Variants in NIPSNAP2 observed in about 807,000 individuals in gnomAD.
NIPSNAP2 encodes the protein nipsnap homolog 2.
Under a neutral mutation model 48.4 loss-of-function variants are expected in NIPSNAP2, and 42 were observed. The observed-to-expected ratio is 0.87, with a 90% CI of 0.68 to 1.12. The LOEUF (loss-of-function observed/expected upper bound fraction) is 1.12, where lower values mean the gene tolerates loss of function less well. Among genes scored for constraint, NIPSNAP2 ranks in the 50% most tolerant of loss-of-function variants. The pLI is 0.00. For missense variants in NIPSNAP2, 314 were observed against 347.3 expected (o/e 0.90, Z 0.76); for synonymous variants, 158 against 126.6 (o/e 1.25, Z -1.67).
chr7:55,985,810 G>A (rs1315021886), intron 7 of NIPSNAP2, among the ~76,000 whole-genome samples: 1 of 151,638 alleles, frequency 6.6e-6, no homozygotes, highest in South Asian at 2.1e-4. Context: ...CACATTGGGA[G>A]GCTGAGGTGG....
chr7:55,964,866 C>T (rs1159050398), intron 1 of NIPSNAP2, 165 bp downstream of exon 1: 8 of 225,306 alleles, frequency 3.6e-5, no homozygotes, highest in South Asian at 3.6e-4. Context: ...GGAGCTGGGG[C>T]GGGGTCGGGG....
intron 1 of NIPSNAP2, among the ~76,000 whole-genome samples, chr7:55,976,127 C>G (rs73343714): frequency 0.12 from 17,776 of 152,132 alleles, 1,713 homozygotes; most frequent in African/African-American, 0.25. Context: ...AACCTTTACT[C>G]CCACCCCAGG....
intron 8 of NIPSNAP2, 39 bp downstream of exon 8, chr7:55,995,027 A>G: frequency 6.6e-7 from 1 of 1,521,482 alleles, no homozygotes; most frequent in Admixed American, 1.7e-5. Context: ...GGGATTTAAG[A>G]GTTCATTACT....
chr7:55,976,931 T>C (rs1787118408), intron 1 of NIPSNAP2, among the ~76,000 whole-genome samples: 1 of 152,064 alleles, frequency 6.6e-6, no homozygotes, highest in Admixed American at 6.6e-5. Flanking sequence ...TAAAGTATAG[T>C]TTGTGACTTG....
At chr7:55,985,333 G>T (rs763799639) in intron 7 of NIPSNAP2, among the ~76,000 whole-genome samples, 6 of 151,960 alleles carry the variant, frequency 3.9e-5, no homozygotes, top group East Asian at 1.9e-4. Flanking sequence ...GTCAATAATG[G>T]TTTCTTCTTT....
intron 3 of NIPSNAP2, chr7:55,979,981 GC>G: frequency 5.1e-6 from 2 of 394,934 alleles, no homozygotes; most frequent in Admixed American, 3.1e-5. Context: ...AAAAACCTGG[GC>G]CCCGTTGCCA....
chr7:55,979,810 G>A (rs1562764313), intron 3 of NIPSNAP2: 2 of 456,536 alleles, frequency 4.4e-6, no homozygotes, highest in South Asian at 1.5e-5. Context: ...TGGTTTTTAG[G>A]GGTCCCAATA....
chr7:55,995,837 C>T (rs1055068062), intron 8 of NIPSNAP2, among the ~76,000 whole-genome samples: 12 of 152,168 alleles, frequency 7.9e-5, no homozygotes, highest in Admixed American at 7.2e-4. Context: ...CCTCTTGTCT[C>T]TGCCCTGTCG....
At chr7:55,991,612 G>T (rs1008937544) in intron 7 of NIPSNAP2, among the ~76,000 whole-genome samples, 2 of 151,764 alleles carry the variant, frequency 1.3e-5, no homozygotes, top group African/African-American at 4.8e-5. Context: ...GCCAAGTGTG[G>T]TGGTGCATGC....
At chr7:55,979,961 T>C (rs1787179326) in intron 3 of NIPSNAP2, 1 of 416,406 alleles carries the variant, frequency 2.4e-6, no homozygotes, top group Non-Finnish European at 4.8e-6. Context: ...TGCGTGACTT[T>C]GTGTTGGTGA....
intron 1 of NIPSNAP2, 89 bp from the exon 2 acceptor site, chr7:55,978,037 C>A: frequency 6.8e-7 from 1 of 1,467,792 alleles, no homozygotes; most frequent in Non-Finnish European, 9.3e-7. Flanking sequence ...GGAACGGTGC[C>A]TAGAATAGCT....
rs1787580032 is a variant in NIPSNAP2, at chr7:55,997,233, C to G, written c.713-133C>G. On this transcript the variant is annotated intron_variant, in intron 8 of 9. Transcript: ENST00000322090. ...ATAATTTTGCTCAGAATTTCCCCAG[C>G]CCAGTATATTACACACCTGAAGTAG... The G allele has an allele frequency of 6.7e-6, 4 of 600,810 alleles. No individual in the cohort carries two copies. In the South Asian group the frequency reaches 8.3e-5, roughly 13 times the overall value. 37.2% of individuals were successfully genotyped at this position (600,810 alleles called of 1,614,324 possible).
chr7:55,987,756 C>CA (rs1256400829), intron 7 of NIPSNAP2, among the ~76,000 whole-genome samples: 2 of 151,958 alleles, frequency 1.3e-5, no homozygotes, highest in African/African-American at 4.8e-5. Flanking sequence ...CCAGTGTTGC[C>CA]AAAATCATAG....
At position 55,978,128 on chromosome 7, in the gene NIPSNAP2, C is replaced by G. The variant is rs2116344538; in HGVS notation, c.95C>G (p.Thr32Arg). 1 of 1,614,092 alleles carries G rather than the reference C, an allele frequency of 6.2e-7. No homozygotes were observed. The highest frequency in any genetic ancestry group is 8.5e-7 in the Non-Finnish European group (1 of 1,180,000). The change falls in exon 2 of 10, where the codon ACA (threonine) becomes AGA (arginine). Residue 32 changes from threonine to arginine, a missense_variant and splice_region_variant. By Grantham distance (71) the Thr-to-Arg change is moderately conservative (BLOSUM62 -1). This residue lies in a region of NIPSNAP2 where 198 missense variants were observed against 185.5 expected (regional missense o/e 1.07). Transcript: ENST00000322090. The stretch of plus-strand genomic sequence containing the variant: ...ACAACACCTTTGTTATTCCATAGGA[C>G]ATGGACATCTTCCAGCAACAGATCT... The part of the protein sequence containing the change: ...APCSLLPRLR[T>R]WTSSSNRSRE...
Position 55,983,711 on chromosome 7 carries a change from A to AT in NIPSNAP2, c.445-10dup, listed in dbSNP as rs992195319. The AT allele has an allele frequency of 4.3e-6, 7 of 1,613,048 alleles. No homozygotes were observed. The highest frequency in any genetic ancestry group is 5.9e-6 in the Non-Finnish European group (7 of 1,179,550). On this transcript the variant is annotated splice_polypyrimidine_tract_variant and intron_variant, in intron 5 of 9. Coordinates refer to ENST00000322090, the MANE Select transcript of NIPSNAP2 (RefSeq NM_001483.3). ...AAGTATCAGAAGATTTCATGAGCAC[A>AT]TTTTTTTCACTCAAAGGAATTTTTG...
At position 55,999,164 on chromosome 7, in the gene NIPSNAP2, C is replaced by G; in HGVS notation, c.*92C>G. The G allele has an allele frequency of 1.8e-6, 2 of 1,112,504 alleles. No individual in the cohort carries two copies. The highest frequency in any genetic ancestry group is 1.3e-5 in the South Asian group (1 of 76,514). 68.9% of individuals were successfully genotyped at this position (1,112,504 alleles called of 1,614,324 possible). ...TTGTGTATCAAGTGAAAAAGAAACA[C>G]TGAGGTTTTAAGCTGCTGTATATAG... is the stretch of plus-strand genomic sequence containing the variant. On this transcript the variant is annotated 3_prime_UTR_variant, in exon 10 of 10. Transcript: ENST00000322090.
At chr7:55,997,337 TCTTA>T (rs747130465) in intron 8 of NIPSNAP2, 25 bp from the exon 9 acceptor site, 19 of 1,540,724 alleles carry the variant, frequency 1.2e-5, no homozygotes, top group Non-Finnish European at 1.4e-5. Flanking sequence ...GTGTTTTAAG[TCTTA>T]CTTCTCTGTG....
chr7:55,995,083 C>T (rs913609359), intron 8 of NIPSNAP2, 95 bp downstream of exon 8: 35 of 1,011,296 alleles, frequency 3.5e-5, no homozygotes, highest in Non-Finnish European at 4.9e-5. Flanking sequence ...GTAACCTTAA[C>T]CACTACAGCA....
At chr7:55,976,288 G>A (rs866953286) in intron 1 of NIPSNAP2, among the ~76,000 whole-genome samples, 9 of 152,276 alleles carry the variant, frequency 5.9e-5, no homozygotes, top group Admixed American at 1.3e-4. Flanking sequence ...TTTTTATCGA[G>A]TGCATATTTT....
Sources: gnomAD v4.1 joint callset for allele counts (sites outside exome capture counted in the v4.1 genomes callset) on GRCh38, gnomAD v4.1.1 for gene constraint, gnomAD v4.1.1 regional missense constraint, MANE v1.5 for transcripts, NCBI Gene and HGNC (gene_info 2026-07-23, HGNC 2026-07-21) for gene names.